The following DHRSX variants were observed in gnomAD, a reference collection of about 807,000 sequenced individuals.
DHRSX encodes polyprenol dehydrogenase.
In DHRSX, 31 loss-of-function variants were observed where a neutral mutation model predicts 34.0. The ratio of observed to expected loss-of-function variants is 0.91; its 90% confidence interval spans 0.69 to 1.23. The LOEUF (loss-of-function observed/expected upper bound fraction) is 1.23, where lower values mean the gene tolerates loss of function less well. Among genes scored for constraint, DHRSX ranks in the 50% most tolerant of loss-of-function variants. The pLI is 0.00. For missense variants in DHRSX, 414 were observed against 428.1 expected, an observed-to-expected ratio of 0.97 and a Z score of 0.29; for synonymous variants, 201 against 183.8, an observed-to-expected ratio of 1.09 and a Z score of -0.76.
intron 5 of DHRSX, among the ~76,000 whole-genome samples, chrX:2,245,677 G>A (rs1325495447): frequency 6.7e-6 from 1 of 148,442 alleles, no homozygotes; most frequent in African/African-American, 2.5e-5. Context: ...CCAAGCTATG[G>A]CCAGACGCAG....
At position 2,302,063 on chromosome X, in the gene DHRSX, A is replaced by G. The variant is rs778184514; in HGVS notation, c.287-10460T>C. On this transcript the variant is annotated intron_variant, in intron 3 of 6. Transcript: ENST00000334651. ...CAGCACACACCTGAGGTTGAGACAC[A>G]GTGATTAGGTTTTGTTTTATTGTGG... Among the ~76,000 whole-genome samples the G allele has an allele frequency of 2.4e-3, 359 of 152,258 alleles. 1 individual carries two copies. The highest frequency in any genetic ancestry group is 7.9e-3 in the African/African-American group (330 of 41,556).
At position 2,243,246 on chromosome X, in the gene DHRSX, G is replaced by A. The variant is rs1268419050; in HGVS notation, c.597-16C>T. 1.9e-6 allele frequency: 3 copies of A among 1,596,740 alleles called. No individual in the cohort carries two copies. Among genetic ancestry groups the A allele is most frequent in the East Asian group, 4.5e-5 (2 of 44,856 alleles). On this transcript the variant is annotated splice_polypyrimidine_tract_variant and intron_variant, in intron 5 of 6. Coordinates refer to ENST00000334651, the MANE Select transcript of DHRSX (RefSeq NM_145177.3). ...GTAGCAGGCACTGTGGGGCAAGCAG[G>A]AGAAGGTGTAAGAGGCTGACGGCGT...
chrX:2,271,284 G>C (rs987519851), intron 4 of DHRSX, among the ~76,000 whole-genome samples: 1 of 152,170 alleles, frequency 6.6e-6, no homozygotes, highest in Non-Finnish European at 1.5e-5. Flanking sequence ...TCACCGTGAG[G>C]GTCTGCGGCT....
intron 4 of DHRSX, among the ~76,000 whole-genome samples, chrX:2,290,328 G>A (rs1460975322): frequency 1.3e-5 from 2 of 152,144 alleles, no homozygotes; most frequent in African/African-American, 4.8e-5. Flanking sequence ...CCACATCTTG[G>A]CAGCTGGAAA....
intron 4 of DHRSX, among the ~76,000 whole-genome samples, chrX:2,270,304 C>G (rs1328384810): frequency 6.6e-6 from 1 of 152,130 alleles, no homozygotes; most frequent in Non-Finnish European, 1.5e-5. Context: ...GCAGGAGCCA[C>G]GTGGCCTTAT....
chrX:2,479,508 A>G (rs751160119), intron 1 of DHRSX, among the ~76,000 whole-genome samples: 1 of 151,744 alleles, frequency 6.6e-6, no homozygotes, highest in Admixed American at 6.6e-5. Context: ...CGCACTGAAG[A>G]CATTCCGTAA....
At chrX:2,263,489 C>T (rs964692729) in intron 5 of DHRSX, among the ~76,000 whole-genome samples, 10 of 151,606 alleles carry the variant, frequency 6.6e-5, no homozygotes, top group Non-Finnish European at 1.5e-4. Flanking sequence ...TTATAAGCCA[C>T]CCAAACTATG....
intron 6 of DHRSX, among the ~76,000 whole-genome samples, chrX:2,239,332 G>T (rs2016086404): frequency 6.6e-6 from 1 of 150,902 alleles, no homozygotes; most frequent in Non-Finnish European, 1.5e-5. Flanking sequence ...GGATTTCAAG[G>T]TTGCAGCCAG....
rs1450393405 is a variant in DHRSX, at chrX:2,393,819, G to T, written c.286+14926C>A. ...TGTCTCCTGCACACACGACACACAGGGACCTCCCCGTCTCCTGCACACACG... is the reference window on the plus strand; with the variant it reads ...TGTCTCCTGCACACACGACACACAGTGACCTCCCCGTCTCCTGCACACACG... On this transcript the variant is annotated intron_variant, in intron 3 of 6. Coordinates refer to ENST00000334651, the MANE Select transcript of DHRSX (RefSeq NM_145177.3). Among the ~76,000 whole-genome samples the T allele has an allele frequency of 9.1e-4, 33 of 36,268 alleles. 3 individuals carry two copies. The highest frequency in any genetic ancestry group is 1.7e-3 in the Non-Finnish European group (30 of 17,898). The allele number at this position is 36,268 out of a possible 152,430, so 23.8% of individuals were successfully genotyped here. A position where few individuals can be genotyped will look rare whatever the true frequency, so the allele number is the denominator to read the frequency against.
chrX:2,396,152 T>C (rs2043406693), intron 3 of DHRSX, among the ~76,000 whole-genome samples: 1 of 152,010 alleles, frequency 6.6e-6, no homozygotes, highest in Non-Finnish European at 1.5e-5. Flanking sequence ...CCTCTGTGTC[T>C]GTGTCTCCTC....
At chrX:2,431,169 C>G (rs2043915909) in intron 1 of DHRSX, among the ~76,000 whole-genome samples, 1 of 151,820 alleles carries the variant, frequency 6.6e-6, no homozygotes, top group Non-Finnish European at 1.5e-5. Context: ...ACTAAAAATA[C>G]AAAAAATTAG....
At chrX:2,274,073 T>C (rs2041592939) in intron 4 of DHRSX, among the ~76,000 whole-genome samples, 1 of 152,186 alleles carries the variant, frequency 6.6e-6, no homozygotes, top group Non-Finnish European at 1.5e-5. Flanking sequence ...ACTCTTGCTG[T>C]GTCACCCAGA....
intron 3 of DHRSX, among the ~76,000 whole-genome samples, chrX:2,360,548 A>C (rs933583498): frequency 1.1e-4 from 17 of 152,042 alleles, no homozygotes; most frequent in Admixed American, 2.0e-4. Context: ...GCGCCACTGC[A>C]CTCCAGCCTG....
chrX:2,235,002 T>C (rs992319088), intron 6 of DHRSX, among the ~76,000 whole-genome samples: 1 of 152,196 alleles, frequency 6.6e-6, no homozygotes, highest in East Asian at 1.9e-4. Context: ...TGATCCACCA[T>C]GCCCAGCCTG....
chrX:2,345,596 A>AGATCGCGCCG (rs2042697155), intron 3 of DHRSX, among the ~76,000 whole-genome samples: 4 of 148,722 alleles, frequency 2.7e-5, no homozygotes, highest in Admixed American at 6.8e-5. Flanking sequence ...GCATTGAGCC[A>AGATCGCGCCG]AGATCGCACC....
intron 5 of DHRSX, among the ~76,000 whole-genome samples, chrX:2,263,822 T>C (rs778396624): frequency 3.3e-4 from 50 of 152,330 alleles, no homozygotes; most frequent in African/African-American, 1.1e-3. Context: ...GCTGGATTTT[T>C]TCTTATATCA....
intron 2 of DHRSX, 157 bp from the exon 3 acceptor site, chrX:2,408,970 C>T (rs1415096692): frequency 9.7e-6 from 2 of 205,176 alleles, no homozygotes; most frequent in African/African-American, 2.4e-5. Context: ...ACTTGACAGC[C>T]ATTTTGGCAG....
At chrX:2,360,312 T>G (rs35742119) in intron 3 of DHRSX, among the ~76,000 whole-genome samples, 1 of 152,012 alleles carries the variant, frequency 6.6e-6, no homozygotes, top group African/African-American at 2.4e-5. Context: ...GGGCCAGGCG[T>G]GGTGGCTCAC....
chrX:2,359,722 A>C (rs980457362), intron 3 of DHRSX, among the ~76,000 whole-genome samples: 2 of 152,182 alleles, frequency 1.3e-5, no homozygotes, highest in African/African-American at 4.8e-5. Flanking sequence ...GTACATAGAC[A>C]CCATGGAATA....
Sources: allele counts gnomAD v4.1 joint callset (sites outside exome capture counted in the v4.1 genomes callset), GRCh38; gene constraint gnomAD v4.1.1; transcripts MANE v1.5; gene names NCBI Gene and HGNC (gene_info 2026-07-23, HGNC 2026-07-21).